The following SCFD2 variants were observed in gnomAD, a reference collection of about 807,000 sequenced individuals.
SCFD2 encodes sec1 family domain containing 2, also known as sec1 family domain-containing protein 2.
SCFD2 carries 54 observed loss-of-function variants against 58.9 expected under a neutral mutation model. The ratio of observed to expected loss-of-function variants is 0.92; its 90% CI spans 0.74 to 1.15. The LOEUF is 1.15. SCFD2 is among the 50% of genes most tolerant of loss of function. SCFD2 has a pLI of 0.00. For synonymous variants in SCFD2, 321 were observed against 335.9 expected (o/e 0.96, Z 0.49); for missense variants, 805 against 836.6 (o/e 0.96, Z 0.47).
Position 53,177,563 on chromosome 4 carries a change from C to T in SCFD2, c.1312-31981G>A, listed in dbSNP as rs190209739. Among the ~76,000 whole-genome samples, 248 of 152,292 alleles carry T rather than the reference C, an allele frequency of 1.6e-3. 3 individuals carry two copies. The South Asian group carries it at 0.021, about 13-fold the overall frequency. Reference sequence around the variant, plus strand: ...CAAGATGGTCGAATAGGAACAGCTCCGGTCTACAGCTCCCAGCGTGAGCAA... The same window carrying T: ...CAAGATGGTCGAATAGGAACAGCTCTGGTCTACAGCTCCCAGCGTGAGCAA... On this transcript the variant is annotated intron_variant, in intron 4 of 8. Coordinates refer to ENST00000401642, the MANE Select transcript of SCFD2 (RefSeq NM_152540.4).
At chr4:53,138,715 A>G (rs1450518129) in intron 5 of SCFD2, among the ~76,000 whole-genome samples, 1 of 152,240 alleles carries the variant, frequency 6.6e-6, no homozygotes, top group Non-Finnish European at 1.5e-5. Flanking sequence ...GCTGCCATTG[A>G]GTATGCTTAA....
At chr4:53,000,170 C>A (rs1290698835) in intron 5 of SCFD2, among the ~76,000 whole-genome samples, 1 of 152,186 alleles carries the variant, frequency 6.6e-6, no homozygotes, top group African/African-American at 2.4e-5. Context: ...ACTGCCTTTG[C>A]TCCCTTTGGT....
intron 4 of SCFD2, among the ~76,000 whole-genome samples, chr4:53,164,274 C>G (rs1433251150): frequency 6.6e-6 from 1 of 152,184 alleles, no homozygotes; most frequent in Non-Finnish European, 1.5e-5. Flanking sequence ...ACTGCTGAGT[C>G]TTGGCCACTT....
At chr4:52,970,947 G>A (rs1229352443) in intron 5 of SCFD2, among the ~76,000 whole-genome samples, 1 of 152,174 alleles carries the variant, frequency 6.6e-6, no homozygotes, top group Non-Finnish European at 1.5e-5. Flanking sequence ...AAGACCTGCA[G>A]CTGAGGGTCC....
intron 1 of SCFD2, among the ~76,000 whole-genome samples, chr4:53,360,898 T>C (rs963236234): frequency 1.3e-5 from 2 of 152,242 alleles, no homozygotes; most frequent in Non-Finnish European, 2.9e-5. Flanking sequence ...TCTCAGGCTC[T>C]TGACAGGGTA....
chr4:52,960,596 C>A (rs1050350331), intron 5 of SCFD2, among the ~76,000 whole-genome samples: 9 of 151,896 alleles, frequency 5.9e-5, no homozygotes, highest in Admixed American at 4.6e-4. Context: ...CTCAAACTCC[C>A]GACCTCAGGT....
chr4:53,229,090 A>C (rs1729333750), intron 4 of SCFD2, among the ~76,000 whole-genome samples: 1 of 152,186 alleles, frequency 6.6e-6, no homozygotes, highest in African/African-American at 2.4e-5. Context: ...TTCAAGGAGA[A>C]CTACAAACCA....
At chr4:53,341,760 C>T (rs572971947) in intron 2 of SCFD2, among the ~76,000 whole-genome samples, 16 of 152,260 alleles carry the variant, frequency 1.1e-4, no homozygotes, top group South Asian at 1.0e-3. Context: ...GCAGATCTCT[C>T]GGCAGAAACT....
chr4:53,163,201 C>G (rs1262977769), intron 4 of SCFD2, among the ~76,000 whole-genome samples: 1 of 152,228 alleles, frequency 6.6e-6, no homozygotes, highest in Non-Finnish European at 1.5e-5. Flanking sequence ...GGAATGTTCT[C>G]TGCTCCAACG....
chr4:53,209,744 A>G (rs999674493), intron 4 of SCFD2, among the ~76,000 whole-genome samples: 5 of 151,970 alleles, frequency 3.3e-5, no homozygotes, highest in Non-Finnish European at 7.4e-5. Flanking sequence ...TTGTTTTGCT[A>G]GTAACTTTGT....
intron 2 of SCFD2, among the ~76,000 whole-genome samples, chr4:53,336,485 C>T (rs1733686520): frequency 6.6e-6 from 1 of 151,994 alleles, no homozygotes; most frequent in Non-Finnish European, 1.5e-5. Flanking sequence ...CCCCAGTTTT[C>T]TCATTTCTTT....
At chr4:52,975,659 C>A (rs1337268874) in intron 5 of SCFD2, among the ~76,000 whole-genome samples, 1 of 152,094 alleles carries the variant, frequency 6.6e-6, no homozygotes, top group African/African-American at 2.4e-5. Context: ...TTGACCCAGC[C>A]ATCCCATTAC....
chr4:53,146,887 A>C (rs1210573773), intron 4 of SCFD2, among the ~76,000 whole-genome samples: 8 of 152,224 alleles, frequency 5.3e-5, no homozygotes, highest in Non-Finnish European at 1.0e-4. Context: ...AGAAAAAAAC[A>C]CAGTATATAC....
At chr4:52,939,874 T>C (rs1290096176) in intron 5 of SCFD2, among the ~76,000 whole-genome samples, 2 of 152,244 alleles carry the variant, frequency 1.3e-5, no homozygotes, top group Non-Finnish European at 2.9e-5. Flanking sequence ...TGTTTCACCT[T>C]GGCACACATA....
At chr4:53,116,267 A>G (rs779152563) in intron 5 of SCFD2, among the ~76,000 whole-genome samples, 1 of 152,210 alleles carries the variant, frequency 6.6e-6, no homozygotes, top group Non-Finnish European at 1.5e-5. Context: ...TCTCTCTCAC[A>G]TTAAATGTTC....
chr4:53,077,104 G>C (rs1402661304), intron 5 of SCFD2, among the ~76,000 whole-genome samples: 5 of 152,048 alleles, frequency 3.3e-5, no homozygotes, highest in Non-Finnish European at 7.4e-5. Flanking sequence ...AGCTTTGGGG[G>C]ATATAAATAT....
chr4:53,213,136 G>A (rs111727983), intron 4 of SCFD2, among the ~76,000 whole-genome samples: 1 of 152,220 alleles, frequency 6.6e-6, no homozygotes, highest in African/African-American at 2.4e-5. Flanking sequence ...TAGGTGTAAT[G>A]TGAAAAGCAC....
chr4:52,969,502 G>GT (rs1225528233), intron 5 of SCFD2, among the ~76,000 whole-genome samples: 1 of 152,232 alleles, frequency 6.6e-6, no homozygotes, highest in African/African-American at 2.4e-5. Context: ...CAGGCACACA[G>GT]TAGATGAACA....
intron 4 of SCFD2, among the ~76,000 whole-genome samples, chr4:53,185,825 T>G (rs1727721323): frequency 6.6e-6 from 1 of 152,116 alleles, no homozygotes; most frequent in African/African-American, 2.4e-5. Context: ...ATATAAAAGT[T>G]AATAAAACTG....
Sources: allele counts gnomAD v4.1 joint callset (sites outside exome capture counted in the v4.1 genomes callset), GRCh38; gene constraint gnomAD v4.1.1; transcripts MANE v1.5; gene names NCBI Gene and HGNC (gene_info 2026-07-23, HGNC 2026-07-21).